The following BICD1 variants were observed in gnomAD, a reference collection of about 807,000 sequenced individuals.
BICD1 encodes protein bicaudal D homolog 1.
Under a neutral mutation model 92.5 loss-of-function variants are expected in BICD1, and 35 were observed. That is an observed-to-expected ratio of 0.38 (90% CI 0.29 to 0.50). The LOEUF (loss-of-function observed/expected upper bound fraction) is 0.50. Ranked by LOEUF, BICD1 falls within the 20% of genes least tolerant of loss-of-function variation. The probability of loss-of-function intolerance (pLI) is 0.93; values close to 1 mark genes in which losing one functional copy is unlikely to be tolerated. For synonymous variants in BICD1, 429 were observed against 465.1 expected (o/e 0.92, Z 1.00); for missense variants, 950 against 1,189.8 (o/e 0.80, Z 2.97).
In BICD1 at chr12:32,327,560, C is replaced by T. The variant is rs1323777222; in HGVS notation, c.1105C>T (p.His369Tyr). 2 of 1,614,026 alleles carry T rather than the reference C, an allele frequency of 1.2e-6. No individual in the cohort carries two copies. Among genetic ancestry groups the T allele is most frequent in the African/African-American group, 2.7e-5 (2 of 74,916 alleles). The change falls in exon 5 of 10, where the codon CAC (histidine) becomes TAC (tyrosine). Residue 369 changes from histidine (H) to tyrosine (Y), a missense_variant. Physicochemically the swap from His to Tyr is moderately conservative, Grantham distance 83. Coordinates refer to ENST00000652176, the MANE Select transcript of BICD1 (RefSeq NM_001714.4). The part of the protein sequence containing the change: ...GALTEQHERV[H>Y]RLTEHVNAMR... ...ACTGACGGAGCAGCATGAGCGGGTG[C>T]ACCGGCTCACAGAGCACGTCAATGC...
intron 2 of BICD1, among the ~76,000 whole-genome samples, chr12:32,237,689 C>T (rs147188627): frequency 6.6e-6 from 1 of 152,284 alleles, no homozygotes; most frequent in East Asian, 1.9e-4. Context: ...TGAATGACAG[C>T]ACGTCTGTTT....
chr12:32,351,331 C>T (rs760035212), intron 8 of BICD1, among the ~76,000 whole-genome samples: 5 of 150,832 alleles, frequency 3.3e-5, no homozygotes, highest in Non-Finnish European at 7.4e-5. Flanking sequence ...ACTAAAAATA[C>T]AAAAATTAGC....
intron 9 of BICD1, among the ~76,000 whole-genome samples, chr12:32,370,522 C>A (rs1291589123): frequency 6.6e-6 from 1 of 152,146 alleles, no homozygotes. Flanking sequence ...GCCCTTACCC[C>A]AAGGCCTGGG....
At chr12:32,154,117 CA>C (rs927280579) in intron 1 of BICD1, among the ~76,000 whole-genome samples, 9 of 152,070 alleles carry the variant, frequency 5.9e-5, no homozygotes, top group African/African-American at 2.2e-4. Flanking sequence ...AAAAAACAGA[CA>C]AAAGACTCAC....
Position 32,106,917 on chromosome 12 carries a change from C to T in BICD1, c.-415C>T. 1 of 174,332 alleles carries T rather than the reference C, an allele frequency of 5.7e-6. No homozygotes were observed. The highest frequency in any genetic ancestry group is 1.2e-5 in the Non-Finnish European group (1 of 84,092). 10.8% of individuals were successfully genotyped at this position (174,332 alleles called of 1,614,324 possible). ...CGAGAGAGCGAGCCGCGAGCCGGAGCGCGCCAGACCCAGGGCGAGACTGCA... is the reference window on the plus strand; with the variant it reads ...CGAGAGAGCGAGCCGCGAGCCGGAGTGCGCCAGACCCAGGGCGAGACTGCA... On this transcript the variant is annotated 5_prime_UTR_variant, in exon 1 of 10. Transcript: ENST00000652176.
chr12:32,323,012 C>A (rs971629517), intron 4 of BICD1, among the ~76,000 whole-genome samples: 2 of 152,314 alleles, frequency 1.3e-5, no homozygotes, highest in Admixed American at 6.5e-5. Context: ...AACAAAAACA[C>A]TTCTGACATA....
chr12:32,139,533 C>T (rs2121353240), intron 1 of BICD1, among the ~76,000 whole-genome samples: 1 of 152,266 alleles, frequency 6.6e-6, no homozygotes, highest in East Asian at 1.9e-4. Context: ...ATTACTTTTA[C>T]GCTAGCATAC....
intron 2 of BICD1, chr12:32,227,773 CT>C (rs1945748164): frequency 6.5e-6 from 1 of 154,878 alleles, no homozygotes; most frequent in African/African-American, 2.4e-5. Context: ...GGCCTCGCCC[CT>C]GGAGGCTTGA....
intron 2 of BICD1, among the ~76,000 whole-genome samples, chr12:32,273,543 A>G (rs535616163): frequency 6.6e-6 from 1 of 152,348 alleles, no homozygotes; most frequent in South Asian, 2.1e-4. Context: ...CAGAAAAGCC[A>G]TTATACCCCC....
intron 2 of BICD1, among the ~76,000 whole-genome samples, chr12:32,262,010 C>T (rs115154943): frequency 6.9e-6 from 1 of 145,316 alleles, no homozygotes; most frequent in Non-Finnish European, 1.5e-5. Flanking sequence ...GGGGCAAGAC[C>T]CAGTAATATA....
rs529308942 is a variant in BICD1, at chr12:32,269,893, G to T, written c.427-24101G>T. ...GCTTGTAATCCCAGCACTTTGGAAG[G>T]CCGAGGTAGACAGATCACATGAGTT... On this transcript the variant is annotated intron_variant, in intron 2 of 9. Coordinates refer to ENST00000652176, the MANE Select transcript of BICD1 (RefSeq NM_001714.4). Among the ~76,000 whole-genome samples the T allele has an allele frequency of 3.3e-5, 5 of 152,076 alleles. No homozygotes were observed. The Middle Eastern group carries it at 0.01, about 310-fold the overall frequency.
intron 1 of BICD1, among the ~76,000 whole-genome samples, chr12:32,147,396 T>G (rs1481198287): frequency 6.6e-6 from 1 of 152,062 alleles, no homozygotes; most frequent in Non-Finnish European, 1.5e-5. Flanking sequence ...CAGGTGGCGG[T>G]GGTGGATTTT....
At chr12:32,120,431 T>C (rs917886366) in intron 1 of BICD1, among the ~76,000 whole-genome samples, 1 of 152,204 alleles carries the variant, frequency 6.6e-6, no homozygotes, top group Non-Finnish European at 1.5e-5. Flanking sequence ...CAGTTTGGCG[T>C]GGGTCTGTGA....
At chr12:32,128,111 C>G (rs1025004881) in intron 1 of BICD1, among the ~76,000 whole-genome samples, 1 of 152,106 alleles carries the variant, frequency 6.6e-6, no homozygotes, top group African/African-American at 2.4e-5. Context: ...ACCGTGTTGG[C>G]CAGGCTGGTC....
chr12:32,173,572 T>C (rs139382158), intron 1 of BICD1, among the ~76,000 whole-genome samples: 2 of 152,214 alleles, frequency 1.3e-5, no homozygotes, highest in African/African-American at 4.8e-5. Context: ...AACGAAAAAA[T>C]AATGGCTAGA....
intron 1 of BICD1, among the ~76,000 whole-genome samples, chr12:32,180,762 C>G (rs867938913): frequency 2.6e-5 from 4 of 152,060 alleles, no homozygotes; most frequent in South Asian, 4.2e-4. Context: ...AGCTAGCATT[C>G]CTTGAATACT....
At chr12:32,277,989 T>C (rs1947320629) in intron 2 of BICD1, among the ~76,000 whole-genome samples, 1 of 152,218 alleles carries the variant, frequency 6.6e-6, no homozygotes, top group Non-Finnish European at 1.5e-5. Context: ...CCCATGGTGA[T>C]GGGAACTAAA....
intron 4 of BICD1, among the ~76,000 whole-genome samples, chr12:32,318,125 T>C (rs989242174): frequency 2.0e-5 from 3 of 151,992 alleles, no homozygotes; most frequent in Admixed American, 2.0e-4. Context: ...CCTTGTAGTA[T>C]AGTTTGAAGT....
intron 1 of BICD1, among the ~76,000 whole-genome samples, chr12:32,146,818 C>CCTCCCTCT (rs1943119636): frequency 7.2e-6 from 1 of 138,910 alleles, no homozygotes; most frequent in East Asian, 2.3e-4. Context: ...TTCCTCCCTC[C>CCTCCCTCT]CTCCCTCCCT....
Sources: allele counts gnomAD v4.1 joint callset (sites outside exome capture counted in the v4.1 genomes callset), GRCh38; gene constraint gnomAD v4.1.1; transcripts MANE v1.5; gene names NCBI Gene and HGNC (gene_info 2026-07-23, HGNC 2026-07-21).